Variants in DOCK2 observed in about 807,000 individuals in gnomAD.
DOCK2 encodes the protein dedicator of cytokinesis protein 2.
Under a neutral mutation model 248.9 loss-of-function variants are expected in DOCK2, and 87 were observed. That is an observed-to-expected ratio of 0.35 (90% confidence interval 0.29 to 0.42). DOCK2 has a LOEUF of 0.42. Among genes scored for constraint, DOCK2 ranks in the 10% least tolerant of loss-of-function variants. The pLI, the probability that DOCK2 is intolerant of heterozygous loss-of-function variation, is 1.00. For synonymous variants in DOCK2, 805 were observed against 821.6 expected, an observed-to-expected ratio of 0.98 and a Z score of 0.35; for missense variants, 1,747 against 2,300.2, an observed-to-expected ratio of 0.76 and a Z score of 4.92.
chr5:169,791,959 A>G (rs1020087383), intron 25 of DOCK2, among the ~76,000 whole-genome samples: 2 of 152,150 alleles, frequency 1.3e-5, no homozygotes, highest in Admixed American at 6.5e-5. Flanking sequence ...AGAAGACTCT[A>G]TTTGAGTATG....
At chr5:170,070,100 C>G (rs1046633613) in intron 46 of DOCK2, among the ~76,000 whole-genome samples, 29 of 152,268 alleles carry the variant, frequency 1.9e-4, no homozygotes, top group Non-Finnish European at 3.5e-4. Flanking sequence ...GCAGCCCCCT[C>G]CTCAGACATT....
At chr5:169,928,392 C>T (rs772310245) in intron 27 of DOCK2, among the ~76,000 whole-genome samples, 9 of 152,262 alleles carry the variant, frequency 5.9e-5, no homozygotes, top group African/African-American at 2.2e-4. Context: ...GTTTGCACTG[C>T]TCTGCCCCAG....
rs376168690 is a variant in DOCK2 at position 169,928,960 on chromosome 5, G to A, written c.2800-54108G>A. On this transcript the variant is annotated intron_variant, in intron 27 of 51. Transcript: ENST00000520908. ...TATTAATTATGCCAAAGCTTGCTTT[G>A]AGATAGACTAAAAGGCCAAACATGT... is the stretch of plus-strand genomic sequence containing the variant. 5.9e-5 allele frequency among the ~76,000 whole-genome samples: 9 copies of A among 152,310 alleles called. No homozygotes were observed. The East Asian group carries it at 1.5e-3, about 26-fold the overall frequency.
At chr5:169,873,820 C>G (rs1772134555) in intron 27 of DOCK2, among the ~76,000 whole-genome samples, 1 of 152,182 alleles carries the variant, frequency 6.6e-6, no homozygotes, top group Non-Finnish European at 1.5e-5. Flanking sequence ...ACTCTCAGAC[C>G]TCCAACCGTG....
At chr5:169,827,917 A>T (rs1768974415) in intron 26 of DOCK2, among the ~76,000 whole-genome samples, 1 of 151,954 alleles carries the variant, frequency 6.6e-6, no homozygotes, top group African/African-American at 2.4e-5. Context: ...CGAGGCACAC[A>T]CTCTGTTGGC....
In DOCK2 at chr5:169,670,690, G is replaced by A; in HGVS notation, c.224+93G>A. 6 of 1,443,918 alleles carry A rather than the reference G, an allele frequency of 4.2e-6. No individual in the cohort carries two copies. In the South Asian group the frequency reaches 7.4e-5, roughly 18 times the overall value. The allele number at this position is 1,443,918 out of a possible 1,614,324, so 89.4% of individuals were successfully genotyped here. A position where few individuals can be genotyped will look rare whatever the true frequency, so the allele number is the denominator to read the frequency against. ...GAAAATCTGACTTGGAAGAGCTGAG[G>A]GTTGCTCAGCTTATCTTCTTTGTGC... is the stretch of plus-strand genomic sequence containing the variant. On this transcript the variant is annotated intron_variant, in intron 4 of 51. Coordinates refer to ENST00000520908, the MANE Select transcript of DOCK2 (RefSeq NM_004946.3).
At chr5:169,704,852 A>G (rs2113489580) in intron 14 of DOCK2, among the ~76,000 whole-genome samples, 1 of 152,146 alleles carries the variant, frequency 6.6e-6, no homozygotes, top group East Asian at 1.9e-4. Context: ...AAAATTTTAA[A>G]ATTAAAAAAT....
At chr5:169,927,520 G>T (rs569609915) in intron 27 of DOCK2, among the ~76,000 whole-genome samples, 5 of 152,214 alleles carry the variant, frequency 3.3e-5, no homozygotes, top group Non-Finnish European at 5.9e-5. Context: ...TAATTTGCAG[G>T]ACTTAGTAAC....
At chr5:169,684,556 T>C (rs1033150545) in intron 8 of DOCK2, among the ~76,000 whole-genome samples, 1 of 152,214 alleles carries the variant, frequency 6.6e-6, no homozygotes, top group Non-Finnish European at 1.5e-5. Context: ...GTGGAGTTTA[T>C]GGTTGTAGGG....
chr5:169,724,022 A>G (rs1762343621), intron 22 of DOCK2, among the ~76,000 whole-genome samples: 1 of 152,194 alleles, frequency 6.6e-6, no homozygotes, highest in Non-Finnish European at 1.5e-5. Context: ...CAATGATCAC[A>G]CAGCTAAGAA....
chr5:169,889,649 A>G (rs530776943), intron 27 of DOCK2, among the ~76,000 whole-genome samples: 2 of 152,368 alleles, frequency 1.3e-5, no homozygotes, highest in South Asian at 4.1e-4. Context: ...TTAAAGGGCC[A>G]GATAGTAAAT....
At chr5:169,712,089 T>G (rs2113526511) in intron 16 of DOCK2, 31 bp from the exon 17 acceptor site, 1 of 1,614,000 alleles carries the variant, frequency 6.2e-7, no homozygotes, top group East Asian at 2.2e-5. Context: ...ATGTATCATT[T>G]TCTTTCCTGA....
chr5:169,771,571 G>A (rs534860006), intron 25 of DOCK2, among the ~76,000 whole-genome samples: 34 of 152,226 alleles, frequency 2.2e-4, no homozygotes, highest in African/African-American at 7.2e-4. Flanking sequence ...GTGAGCCACC[G>A]CACCCGGCCT....
chr5:169,897,660 A>G (rs565190331), intron 27 of DOCK2, among the ~76,000 whole-genome samples: 8 of 152,322 alleles, frequency 5.3e-5, no homozygotes, highest in Admixed American at 2.0e-4. Flanking sequence ...TTTCAGCTAA[A>G]GACAGAAGTT....
At chr5:169,720,789 G>C (rs1011484413) in intron 22 of DOCK2, among the ~76,000 whole-genome samples, 8 of 152,194 alleles carry the variant, frequency 5.3e-5, no homozygotes, top group African/African-American at 1.7e-4. Context: ...AGAGGGCAAT[G>C]GCACAATCAT....
At chr5:170,039,375 G>C (rs781499303) in intron 36 of DOCK2, among the ~76,000 whole-genome samples, 3 of 152,186 alleles carry the variant, frequency 2.0e-5, no homozygotes, top group Non-Finnish European at 2.9e-5. Context: ...TGTTCTTGCT[G>C]TTATGTATCT....
chr5:169,724,825 T>A (rs1457283281), intron 22 of DOCK2, among the ~76,000 whole-genome samples: 1 of 150,746 alleles, frequency 6.6e-6, no homozygotes, highest in African/African-American at 2.4e-5. Context: ...CCTTATCCCC[T>A]CCCACCAGCT....
chr5:169,776,865 C>T (rs543934397), intron 25 of DOCK2, among the ~76,000 whole-genome samples: 1 of 152,334 alleles, frequency 6.6e-6, no homozygotes, highest in South Asian at 2.1e-4. Flanking sequence ...GCCTCCCTAG[C>T]AATGCGGAAC....
intron 27 of DOCK2, among the ~76,000 whole-genome samples, chr5:169,936,575 C>A (rs948573936): frequency 2.2e-5 from 3 of 138,686 alleles, no homozygotes; most frequent in Non-Finnish European, 4.6e-5. Flanking sequence ...GATTCTCAGA[C>A]TCCTTTTTTT....
Sources: allele counts gnomAD v4.1 joint callset (sites outside exome capture counted in the v4.1 genomes callset), GRCh38; gene constraint gnomAD v4.1.1; transcripts MANE v1.5; gene names NCBI Gene and HGNC (gene_info 2026-07-23, HGNC 2026-07-21).